The following SAMD12 variants were observed in gnomAD, a reference collection of about 807,000 sequenced individuals.
The protein encoded by SAMD12 is sterile alpha motif domain containing 12, also known as sterile alpha motif domain-containing protein 12.
Under a neutral mutation model 15.0 loss-of-function variants are expected in SAMD12, and 9 were observed. The observed-to-expected ratio is 0.60, with a 90% CI of 0.36 to 1.05. SAMD12 has a LOEUF of 1.05. Ranked by LOEUF, SAMD12 falls within the 50% of genes least tolerant of loss-of-function variation. The pLI, the probability that SAMD12 is intolerant of heterozygous loss-of-function variation, is 0.01. For missense variants in SAMD12, 230 were observed against 234.2 expected, an observed-to-expected ratio of 0.98 and a Z score of 0.12; for synonymous variants, 86 against 90.1, an observed-to-expected ratio of 0.96 and a Z score of 0.25.
chr8:118,216,211 G>A (rs1438804019), intron 4 of SAMD12, among the ~76,000 whole-genome samples: 1 of 150,748 alleles, frequency 6.6e-6, no homozygotes, highest in Admixed American at 6.6e-5. Flanking sequence ...TTCTCTGATG[G>A]CCAGTGATGA....
At chr8:118,469,251 C>G (rs1053041376) in intron 2 of SAMD12, among the ~76,000 whole-genome samples, 4 of 151,180 alleles carry the variant, frequency 2.6e-5, no homozygotes, top group Non-Finnish European at 5.9e-5. Context: ...TGCAGAGTGG[C>G]TACCATAGCT....
At chr8:118,303,856 C>T (rs1381067669) in intron 4 of SAMD12, among the ~76,000 whole-genome samples, 2 of 152,140 alleles carry the variant, frequency 1.3e-5, no homozygotes, top group South Asian at 2.1e-4. Context: ...AGTTTAAAAT[C>T]CTCTTCTTTT....
At chr8:118,387,475 CTCA>C (rs1357947309) in intron 3 of SAMD12, among the ~76,000 whole-genome samples, 1 of 39,164 alleles carries the variant, frequency 2.6e-5, no homozygotes, top group African/African-American at 2.2e-4. Flanking sequence ...CCTCCTCCTC[CTCA>C]TAATTGTAAT....
At chr8:118,571,922 C>T (rs1172634879) in intron 2 of SAMD12, among the ~76,000 whole-genome samples, 2 of 152,146 alleles carry the variant, frequency 1.3e-5, no homozygotes, top group Non-Finnish European at 2.9e-5. Flanking sequence ...AGAAGACGGC[C>T]ACCATCCTCA....
intron 4 of SAMD12, among the ~76,000 whole-genome samples, chr8:118,224,848 A>C (rs1168646314): frequency 2.0e-5 from 3 of 152,206 alleles, no homozygotes; most frequent in Non-Finnish European, 4.4e-5. Context: ...TCAGTACATC[A>C]CTGGCAGAAT....
chr8:118,209,524 G>A (rs564054885), intron 4 of SAMD12, among the ~76,000 whole-genome samples: 4 of 152,246 alleles, frequency 2.6e-5, no homozygotes, highest in East Asian at 3.9e-4. Flanking sequence ...TTTTGTGTAC[G>A]CACTTTCCCC....
chr8:118,352,777 A>G (rs1255443820), intron 4 of SAMD12, among the ~76,000 whole-genome samples: 1 of 152,186 alleles, frequency 6.6e-6, no homozygotes, highest in African/African-American at 2.4e-5. Flanking sequence ...TTTTTAATGC[A>G]CTAAGAAATG....
chr8:118,135,391 AGGTT>A, the SAMD12 span, among the ~76,000 whole-genome samples: 1 of 152,074 alleles, frequency 6.6e-6, no homozygotes, highest in South Asian at 2.1e-4. Flanking sequence ...CATGTTGGCC[AGGTT>A]GGTCTCAAAC....
chr8:118,180,205 A>G, the SAMD12 span, among the ~76,000 whole-genome samples: 12 of 152,298 alleles, frequency 7.9e-5, no homozygotes, highest in East Asian at 2.3e-3. Flanking sequence ...CAGCTGGAGA[A>G]CTAGAATATC....
intron 1 of SAMD12, among the ~76,000 whole-genome samples, chr8:118,608,787 G>T (rs1828040177): frequency 6.6e-6 from 1 of 152,278 alleles, no homozygotes; most frequent in African/African-American, 2.4e-5. Flanking sequence ...GATTTGAAAG[G>T]TACCATGTGT....
intron 3 of SAMD12, among the ~76,000 whole-genome samples, chr8:118,381,929 C>G (rs1266109038): frequency 2.6e-5 from 4 of 152,186 alleles, no homozygotes; most frequent in African/African-American, 4.8e-5. Flanking sequence ...TTTCTGGCTG[C>G]TGGCACACAC....
intron 2 of SAMD12, among the ~76,000 whole-genome samples, chr8:118,476,633 A>G (rs1172808039): frequency 1.3e-5 from 2 of 152,234 alleles, no homozygotes; most frequent in Admixed American, 6.5e-5. Flanking sequence ...AGGGGCTTAC[A>G]GTGATAGAGG....
At chr8:118,345,033 C>T (rs999167944) in intron 4 of SAMD12, among the ~76,000 whole-genome samples, 1 of 152,194 alleles carries the variant, frequency 6.6e-6, no homozygotes, top group Non-Finnish European at 1.5e-5. Flanking sequence ...TCACCACTCA[C>T]TGACTCGCTG....
At chr8:118,366,881 T>TAAAATAAAATAAAATAA (rs1372250393) in intron 4 of SAMD12, among the ~76,000 whole-genome samples, 2 of 52,356 alleles carry the variant, frequency 3.8e-5, no homozygotes, top group Non-Finnish European at 9.0e-5. Context: ...TAAAATAAAA[T>TAAAATAAAATAAAATAA]AATAAAATAA....
downstream of SAMD12, among the ~76,000 whole-genome samples, chr8:118,376,267 AT>A (rs1397982262): frequency 1.3e-5 from 2 of 152,136 alleles, no homozygotes; most frequent in Non-Finnish European, 2.9e-5. Flanking sequence ...TATTAATGCA[AT>A]TGTCTAAATG....
Position 118,545,628 on chromosome 8 carries a change from C to G in SAMD12, c.192+35087G>C, listed in dbSNP as rs540793549. Among the ~76,000 whole-genome samples the G allele has an allele frequency of 2.5e-4, 38 of 152,258 alleles. No homozygotes were observed. The South Asian group carries it at 7.5e-3, about 30-fold the overall frequency. On this transcript the variant is annotated intron_variant, in intron 2 of 3. Coordinates refer to ENST00000314727, the MANE Select transcript of SAMD12 (RefSeq NM_207506.3). ...GGAGGAAAGAGAAAGAGATAACATA[C>G]TTCAATGAATCTTGATGAACCCAAG...
the SAMD12 span, among the ~76,000 whole-genome samples, chr8:118,150,892 G>A: frequency 6.6e-6 from 1 of 151,912 alleles, no homozygotes; most frequent in Non-Finnish European, 1.5e-5. Flanking sequence ...ATTTTGAAAG[G>A]TATTTTTTTG....
chr8:118,469,503 T>A (rs368134131), intron 2 of SAMD12, among the ~76,000 whole-genome samples: 7 of 2,884 alleles, frequency 2.4e-3, no homozygotes, highest in East Asian at 6.8e-3. Flanking sequence ...ATATATATTT[T>A]TATATAATAT....
Position 118,440,764 on chromosome 8 carries a change from G to T in SAMD12, c.193-803C>A, listed in dbSNP as rs181937645. ...AAAGCTTAGCCTTTGACAAATGATG[G>T]ATTACAAATACATTTATTAGTGAAT... On this transcript the variant is annotated intron_variant, in intron 2 of 3. Coordinates refer to ENST00000314727, the MANE Select transcript of SAMD12 (RefSeq NM_207506.3). Among the ~76,000 whole-genome samples, 23 of 151,254 alleles carry T rather than the reference G, an allele frequency of 1.5e-4. No individual in the cohort carries two copies. In the East Asian group the frequency reaches 4.3e-3, roughly 28 times the overall value.
Sources: gnomAD v4.1 joint callset for allele counts (sites outside exome capture counted in the v4.1 genomes callset) on GRCh38, gnomAD v4.1.1 for gene constraint, MANE v1.5 for transcripts, NCBI Gene and HGNC (gene_info 2026-07-23, HGNC 2026-07-21) for gene names.